Variants in PLCL1 observed in about 807,000 individuals in gnomAD.
The protein encoded by PLCL1 is phospholipase C like 1 (inactive).
In PLCL1, 41 loss-of-function variants were observed where a neutral mutation model predicts 84.4. The observed-to-expected ratio is 0.49, with a 90% CI of 0.38 to 0.63. PLCL1 has a LOEUF of 0.63. Ranked by LOEUF, PLCL1 falls within the 30% of genes least tolerant of loss-of-function variation. PLCL1 has a pLI of 0.00. For synonymous variants in PLCL1, 490 were observed against 488.3 expected (o/e 1.00, Z -0.05); for missense variants, 1,206 against 1,367.8 (o/e 0.88, Z 1.87).
intron 1 of PLCL1, among the ~76,000 whole-genome samples, chr2:197,965,723 T>C (rs1689716682): frequency 6.6e-6 from 1 of 152,268 alleles, no homozygotes; most frequent in African/African-American, 2.4e-5. Context: ...CTATATCCCA[T>C]AGGTTTTAGT....
At chr2:198,076,358 G>A (rs946004356) in intron 1 of PLCL1, among the ~76,000 whole-genome samples, 1 of 152,128 alleles carries the variant, frequency 6.6e-6, no homozygotes, top group Admixed American at 6.5e-5. Context: ...AAAGGAGATG[G>A]CTTTAGTGCG....
At chr2:197,876,169 G>C (rs1687728771) in intron 1 of PLCL1, among the ~76,000 whole-genome samples, 2 of 152,174 alleles carry the variant, frequency 1.3e-5, no homozygotes, top group Non-Finnish European at 2.9e-5. Flanking sequence ...AAACGTTTCT[G>C]AGCATTGGGT....
At chr2:197,936,174 A>G (rs1455531293) in intron 1 of PLCL1, among the ~76,000 whole-genome samples, 1 of 138,104 alleles carries the variant, frequency 7.2e-6, no homozygotes, top group Non-Finnish European at 1.5e-5. Flanking sequence ...GCATTGATGG[A>G]CACTTAGGTT....
At chr2:197,935,906 T>C (rs4369854) in intron 1 of PLCL1, among the ~76,000 whole-genome samples, 109,413 of 152,122 alleles carry the variant, frequency 0.72, 40,284 homozygotes, top group African/African-American at 0.87. Context: ...CTCCCACCTA[T>C]GCCAGTTCCC....
At chr2:198,109,093 C>A (rs13385675) in intron 5 of PLCL1, among the ~76,000 whole-genome samples, 1 of 151,790 alleles carries the variant, frequency 6.6e-6, no homozygotes. Context: ...TAATAAAATA[C>A]CTGAGACTGG....
At chr2:197,826,984 A>G (rs1690943358) in intron 1 of PLCL1, among the ~76,000 whole-genome samples, 2 of 151,976 alleles carry the variant, frequency 1.3e-5, no homozygotes, top group Non-Finnish European at 2.9e-5. Flanking sequence ...ATCATATCCA[A>G]TGTATCACCA....
chr2:198,073,847 T>A (rs561858382), intron 1 of PLCL1, among the ~76,000 whole-genome samples: 2 of 152,326 alleles, frequency 1.3e-5, no homozygotes, highest in Non-Finnish European at 1.5e-5. Flanking sequence ...CTTCTCCAAA[T>A]CTAGAGAAAG....
intron 1 of PLCL1, among the ~76,000 whole-genome samples, chr2:197,826,792 C>G (rs1690938655): frequency 6.6e-6 from 1 of 152,108 alleles, no homozygotes; most frequent in South Asian, 2.1e-4. Flanking sequence ...AGCTCCAAGC[C>G]AGGTGCTTAA....
chr2:197,852,466 C>T (rs1687256835), intron 1 of PLCL1, among the ~76,000 whole-genome samples: 1 of 152,188 alleles, frequency 6.6e-6, no homozygotes. Context: ...AGATAGGAAG[C>T]ACTTAATATG....
chr2:198,052,535 A>G (rs1180320951), intron 1 of PLCL1, among the ~76,000 whole-genome samples: 10 of 152,180 alleles, frequency 6.6e-5, no homozygotes, highest in Non-Finnish European at 1.2e-4. Context: ...GAAAAAAAAA[A>G]AAACCATTAC....
chr2:197,819,918 G>A (rs1465828238), intron 1 of PLCL1, among the ~76,000 whole-genome samples: 1 of 151,650 alleles, frequency 6.6e-6, no homozygotes, highest in South Asian at 2.1e-4. Flanking sequence ...GTGTGTGTGT[G>A]TGTATGTAGT....
chr2:198,010,966 A>G (rs1201448299), intron 1 of PLCL1, among the ~76,000 whole-genome samples: 2 of 151,676 alleles, frequency 1.3e-5, no homozygotes, highest in South Asian at 4.1e-4. Context: ...ATCAGTGGTA[A>G]TATCTCTTTT....
intron 5 of PLCL1, among the ~76,000 whole-genome samples, chr2:198,111,306 A>T (rs1374264030): frequency 7.9e-5 from 12 of 151,850 alleles, no homozygotes; most frequent in African/African-American, 2.7e-4. Context: ...TAGGGATGCA[A>T]AAATGGTCTT....
chr2:197,969,559 G>C (rs147547793), intron 1 of PLCL1, among the ~76,000 whole-genome samples: 1 of 152,252 alleles, frequency 6.6e-6, no homozygotes, highest in East Asian at 1.9e-4. Context: ...TGTAGATCTA[G>C]CTATCTACTC....
intron 1 of PLCL1, among the ~76,000 whole-genome samples, chr2:197,809,813 TG>T (rs1690547054): frequency 7.2e-6 from 1 of 139,380 alleles, no homozygotes; most frequent in Non-Finnish European, 1.5e-5. Flanking sequence ...TCTGAAAGTG[TG>T]TGTGTGTGTG....
intron 1 of PLCL1, among the ~76,000 whole-genome samples, chr2:198,036,677 A>G (rs1559081951): frequency 6.6e-6 from 1 of 152,160 alleles, no homozygotes; most frequent in Non-Finnish European, 1.5e-5. Context: ...TCCATGGTTC[A>G]TACATCAAAA....
chr2:197,979,659 C>T (rs928146963), intron 1 of PLCL1, among the ~76,000 whole-genome samples: 1 of 152,184 alleles, frequency 6.6e-6, no homozygotes, highest in Non-Finnish European at 1.5e-5. Context: ...ATTCAAATCC[C>T]AGTTGCCTTC....
intron 1 of PLCL1, among the ~76,000 whole-genome samples, chr2:197,971,056 A>G (rs1189236516): frequency 1.3e-5 from 2 of 152,238 alleles, no homozygotes; most frequent in African/African-American, 4.8e-5. Flanking sequence ...TTTTTTAGCA[A>G]GGTCACTCCT....
intron 5 of PLCL1, among the ~76,000 whole-genome samples, chr2:198,123,062 A>G (rs1344192249): frequency 6.6e-6 from 1 of 152,140 alleles, no homozygotes; most frequent in African/African-American, 2.4e-5. Flanking sequence ...GCTGTTTCAT[A>G]TACAATGAAT....
Sources: allele counts gnomAD v4.1 joint callset (sites outside exome capture counted in the v4.1 genomes callset), GRCh38; gene constraint gnomAD v4.1.1; transcripts MANE v1.5; gene names NCBI Gene and HGNC (gene_info 2026-07-23, HGNC 2026-07-21).